EIF3A: variants seen among roughly 807,000 people sequenced by gnomAD.
EIF3A encodes EIF3, p180 subunit.
EIF3A carries 21 observed loss-of-function variants against 186.6 expected under a neutral mutation model. That is an observed-to-expected ratio of 0.11 (90% confidence interval 0.08 to 0.16). The LOEUF (loss-of-function observed/expected upper bound fraction) is 0.16, where lower values mean the gene tolerates loss of function less well. EIF3A is among the 10% of genes least tolerant of loss of function. EIF3A has a pLI of 1.00. For missense variants in EIF3A, 1,306 were observed against 1,796.3 expected (o/e 0.73, Z 4.93); for synonymous variants, 563 against 584.3 (o/e 0.96, Z 0.52).
At chr10:119,047,644 C>T (rs921084463) in intron 17 of EIF3A, among the ~76,000 whole-genome samples, 2 of 152,128 alleles carry the variant, frequency 1.3e-5, no homozygotes, top group East Asian at 3.9e-4. Context: ...CAAAACAGCG[C>T]TGATTTCATG....
chr10:119,066,508 A>C (rs1173903854), intron 6 of EIF3A, among the ~76,000 whole-genome samples: 329 of 6,164 alleles, frequency 0.053, 1 homozygote, highest in African/African-American at 0.067. Context: ...AGACTGTCAA[A>C]AAAAAAAAAA....
In EIF3A at chr10:119,049,959, G is replaced by C. The variant is rs919153860; in HGVS notation, c.2500C>G (p.Arg834Gly). Reference protein sequence around the residue: ...KEREERERAERAKREEELREY... With the variant: ...KEREERERAEGAKREEELREY... ...CGTAGCTCTTCCTCGCGTTTTGCTC[G>C]TTCGGCGCGCTCTCTCTCTTCCCGC... Residue 834 changes from arginine (R) to glycine (G), a missense_variant, in exon 17 of 22, where the codon CGA becomes GGA. This residue lies in a region of EIF3A where 410 missense variants were observed against 473.5 expected (regional missense o/e 0.87). Transcript: ENST00000369144. The C allele has an allele frequency of 6.8e-6, 11 of 1,613,600 alleles. No individual in the cohort carries two copies. Among genetic ancestry groups the C allele is most frequent in the African/African-American group, 2.7e-5 (2 of 74,770 alleles).
chr10:119,047,941 C>T (rs1848303083), intron 17 of EIF3A, among the ~76,000 whole-genome samples: 1 of 152,056 alleles, frequency 6.6e-6, no homozygotes, highest in South Asian at 2.1e-4. Context: ...AGTAAGCAAG[C>T]AATACTTTAA....
At chr10:119,075,850 A>C (rs1844162360) in intron 1 of EIF3A, among the ~76,000 whole-genome samples, 1 of 140,910 alleles carries the variant, frequency 7.1e-6, no homozygotes. Flanking sequence ...AGTCGCTGGG[A>C]CTACGGAGCT....
intron 1 of EIF3A, 129 bp from the exon 2 acceptor site, chr10:119,074,066 C>G (rs1844118587): frequency 1.3e-6 from 1 of 742,364 alleles, no homozygotes; most frequent in Admixed American, 3.4e-5. Context: ...TTATTTTTGA[C>G]TTCTAAAGCT....
Position 119,069,811 on chromosome 10 carries a change from C to T in EIF3A, c.742-157G>A, listed in dbSNP as rs149112530. On this transcript the variant is annotated intron_variant, in intron 5 of 21. Transcript: ENST00000369144. ...ACTCATGTATATCTATTTTAGAAAACTGCCATAATTACAAAAACACTAACT... is the reference window on the plus strand; with the variant it reads ...ACTCATGTATATCTATTTTAGAAAATTGCCATAATTACAAAAACACTAACT... Among the ~76,000 whole-genome samples the T allele has an allele frequency of 1.3e-4, 20 of 152,234 alleles. No homozygotes were observed. In the East Asian group the frequency reaches 3.1e-3, roughly 23 times the overall value.
intron 4 of EIF3A, among the ~76,000 whole-genome samples, chr10:119,072,556 G>A (rs550698193): frequency 2.0e-5 from 3 of 152,240 alleles, no homozygotes; most frequent in Admixed American, 6.5e-5. Context: ...GGGTTCAAGC[G>A]ATCCTGCCAC....
intron 4 of EIF3A, 63 bp from the exon 5 acceptor site, chr10:119,071,148 G>C: frequency 8.4e-7 from 1 of 1,183,686 alleles, no homozygotes; most frequent in South Asian, 1.3e-5. Context: ...ATTTGAATAG[G>C]TTTTATTTCA....
In EIF3A at chr10:119,034,125, C is replaced by G. The variant is rs532849292; in HGVS notation, c.*1914G>C. 5 of 167,104 alleles carry G rather than the reference C, an allele frequency of 3.0e-5. No homozygotes were observed. The highest frequency in any genetic ancestry group is 7.3e-5 in the Non-Finnish European group (5 of 68,138). 10.4% of individuals were successfully genotyped at this position (167,104 alleles called of 1,614,324 possible). A position where few individuals can be genotyped will look rare whatever the true frequency, so the allele number is the denominator to read the frequency against. ...CTGCTTGTTCAGCTTTCCTTTAACACCTGTTGGTAAATACTAATGGGAGTA... is the reference window on the plus strand; with the variant it reads ...CTGCTTGTTCAGCTTTCCTTTAACAGCTGTTGGTAAATACTAATGGGAGTA... On this transcript the variant is annotated 3_prime_UTR_variant, in exon 22 of 22. Transcript: ENST00000369144.
At chr10:119,037,060 TCCCC>T in intron 21 of EIF3A, 55 bp downstream of exon 21, 1 of 391,262 alleles carries the variant, frequency 2.6e-6, no homozygotes, top group Non-Finnish European at 4.2e-6. Context: ...ATAACCCAAA[TCCCC>T]CCCCCCCCAG....
At chr10:119,072,572 C>T (rs1034804618) in intron 4 of EIF3A, among the ~76,000 whole-genome samples, 1 of 152,152 alleles carries the variant, frequency 6.6e-6, no homozygotes, top group African/African-American at 2.4e-5. Context: ...GCCACCTCAG[C>T]CTCCTAAACA....
intron 1 of EIF3A, among the ~76,000 whole-genome samples, chr10:119,077,342 T>G (rs943007553): frequency 1.3e-5 from 2 of 151,764 alleles, no homozygotes; most frequent in Non-Finnish European, 2.9e-5. Flanking sequence ...TCCCAGCTAC[T>G]TGGGAGGCTG....
intron 12 of EIF3A, among the ~76,000 whole-genome samples, chr10:119,057,665 G>T (rs1166706085): frequency 1.3e-5 from 2 of 152,106 alleles, no homozygotes; most frequent in East Asian, 1.9e-4. Context: ...ATCCCAGCTA[G>T]TTGGGAGGCT....
chr10:119,037,173 G>C lies in EIF3A; in HGVS notation c.3865C>G (p.Leu1289Val). ...CCTCTTCGGTCCCTGTCGTCTCTTA[G>C]ATCTCGTCTTTCTCTTAGATCACGC... ...DRRDLRERRDLRDDRDRRGPP... is the reference protein window; with the variant it reads ...DRRDLRERRDVRDDRDRRGPP... Residue 1289 changes from leucine to valine, a missense_variant, in exon 21 of 22, where the codon CTA (leucine) becomes GTA (valine). Transcript: ENST00000369144. 3 of 1,612,500 alleles carry C rather than the reference G, an allele frequency of 1.9e-6. No individual in the cohort carries two copies. The highest frequency in any genetic ancestry group is 2.2e-5 in the East Asian group (1 of 44,742).
intron 18 of EIF3A, among the ~76,000 whole-genome samples, chr10:119,043,755 A>T (rs1015737763): frequency 2.0e-5 from 3 of 151,902 alleles, no homozygotes; most frequent in African/African-American, 7.3e-5. Flanking sequence ...CCCCATCTCT[A>T]CTAAAAATAC....
Position 119,060,774 on chromosome 10 carries a change from T to C in EIF3A, c.1298A>G (p.Asn433Ser), listed in dbSNP as rs1342173195. ...CTGCAGAAGGCGGAGGATGGTGTTG[T>C]TTTGCAGTTGTGGCACATACTGCTG... ...ELQQYVPQLQNNTILRLLQQV... is the reference protein window; with the variant it reads ...ELQQYVPQLQSNTILRLLQQV... The change falls in exon 9 of 22, where the codon AAC becomes AGC. Residue 433 changes from asparagine (N) to serine (S), a missense_variant. Transcript: ENST00000369144. 1 of 1,611,036 alleles carries C rather than the reference T, an allele frequency of 6.2e-7. No individual in the cohort carries two copies. The highest frequency in any genetic ancestry group is 8.5e-7 in the Non-Finnish European group (1 of 1,178,890).
At position 119,044,097 on chromosome 10, in the gene EIF3A, C is replaced by T. The variant is rs1848251178; in HGVS notation, c.2704G>A (p.Gly902Arg). The T allele has an allele frequency of 1.2e-6, 2 of 1,613,964 alleles. No homozygotes were observed. The highest frequency in any genetic ancestry group is 3.3e-5 in the Admixed American group (2 of 59,988). The stretch of plus-strand genomic sequence containing the variant: ...CTCCACTCAGAATCTGCTTCAGGTC[C>T]TTTTCTCCAGGTGCCTTCTGAATCT... ...DRDSEGTWRK[G>R]PEADSEWRRG... The change falls in exon 18 of 22, where the codon GGA (glycine) becomes AGA (arginine). Residue 902 changes from glycine to arginine, a missense_variant. Gly to Arg is a moderately radical substitution (Grantham distance 125, BLOSUM62 -2). This residue lies in a region of EIF3A where 410 missense variants were observed against 473.5 expected (regional missense o/e 0.87). Transcript: ENST00000369144.
chr10:119,073,593 A>C lies in EIF3A; in HGVS notation c.241-16T>G. 1 of 1,605,754 alleles carries C rather than the reference A, an allele frequency of 6.2e-7. No individual in the cohort carries two copies. Among genetic ancestry groups the C allele is most frequent in the Non-Finnish European group, 8.5e-7 (1 of 1,177,266 alleles). On this transcript the variant is annotated splice_polypyrimidine_tract_variant and intron_variant, in intron 2 of 21. Transcript: ENST00000369144. Reference sequence around the variant, plus strand: ...TTATGTTCACCTAATCCAAAAAAACAAAAACTCTTCAGAACTTATTTTTCC... The same window carrying C: ...TTATGTTCACCTAATCCAAAAAAACCAAAACTCTTCAGAACTTATTTTTCC...
rs1187128061 is a variant in EIF3A, at chr10:119,059,223, C to G, written c.1618G>C (p.Ala540Pro). 4 of 1,614,046 alleles carry G rather than the reference C, an allele frequency of 2.5e-6. No individual in the cohort carries two copies. The highest frequency in any genetic ancestry group is 3.4e-6 in the Non-Finnish European group (4 of 1,179,972). Reference protein sequence around the residue: ...LAKALEVIKPAHILQEKEEQH... With the variant: ...LAKALEVIKPPHILQEKEEQH... The stretch of plus-strand genomic sequence containing the variant: ...GGGAAGATGCATACCAGTATATGAG[C>G]TGGTTTAATGACTTCAAGTGCTTTT... The change falls in exon 11 of 22, where the codon GCT becomes CCT. Residue 540 changes from alanine to proline, a missense_variant. Physicochemically the swap from Ala to Pro is conservative, Grantham distance 27. Around this residue, in one of 8 missense-constraint regions of EIF3A, gnomAD observed 44 missense variants for 43.4 expected, o/e 1.01. Transcript: ENST00000369144.
Sources: allele counts gnomAD v4.1 joint callset (sites outside exome capture counted in the v4.1 genomes callset), GRCh38; gene constraint gnomAD v4.1.1; regional missense constraint gnomAD v4.1.1; transcripts MANE v1.5; gene names NCBI Gene and HGNC (gene_info 2026-07-23, HGNC 2026-07-21).